The following CA10 variants were observed in gnomAD, a reference collection of about 807,000 sequenced individuals.
The protein encoded by CA10 is carbonic anhydrase 10 (inactive).
Under a neutral mutation model 44.2 loss-of-function variants are expected in CA10, and 14 were observed. The ratio of observed to expected loss-of-function variants is 0.32; its 90% CI spans 0.21 to 0.50. CA10 has a LOEUF of 0.50. CA10 is among the 20% of genes least tolerant of loss of function. The pLI is 0.99. For missense variants in CA10, 350 were observed against 409.7 expected (o/e 0.85, Z 1.26); for synonymous variants, 159 against 141.6 (o/e 1.12, Z -0.87).
rs1167558640 is a variant in CA10 at position 51,636,055 on chromosome 17, G to A, written c.635-46C>T. On this transcript the variant is annotated intron_variant, in intron 6 of 8. Coordinates refer to ENST00000451037, the MANE Select transcript of CA10 (RefSeq NM_020178.5). Reference sequence around the variant, plus strand: ...TAAAAATTAGGTTTCTTGAGAAAGGGATGGTATTGCTGACATACATACATA... The same window carrying A: ...TAAAAATTAGGTTTCTTGAGAAAGGAATGGTATTGCTGACATACATACATA... The A allele has an allele frequency of 4.5e-6, 6 of 1,336,428 alleles. No homozygotes were observed. In the East Asian group the frequency reaches 1.2e-4, roughly 26 times the overall value. The allele number at this position is 1,336,428 out of a possible 1,614,324, so 82.8% of individuals were successfully genotyped here. A position where few individuals can be genotyped will look rare whatever the true frequency, so the allele number is the denominator to read the frequency against.
chr17:52,096,203 C>T (rs1037934939), intron 1 of CA10, among the ~76,000 whole-genome samples: 1 of 152,112 alleles, frequency 6.6e-6, no homozygotes, highest in East Asian at 1.9e-4. Context: ...CCTGAGTGTC[C>T]ACTACAGCTT....
intron 3 of CA10, among the ~76,000 whole-genome samples, chr17:51,927,671 A>G (rs1462452870): frequency 6.6e-5 from 10 of 152,202 alleles, no homozygotes; most frequent in African/African-American, 2.4e-4. Flanking sequence ...GGTCTGAGCA[A>G]AAAGACATGA....
intron 2 of CA10, among the ~76,000 whole-genome samples, chr17:51,988,216 AAAG>A (rs989504481): frequency 4.6e-5 from 7 of 152,168 alleles, no homozygotes; most frequent in Admixed American, 2.0e-4. Context: ...TAAAAAAGAA[AAAG>A]AAGAAGTCTG....
rs56108471 is a variant in CA10 at position 51,978,382 on chromosome 17, ATGTGTG to A, written c.137-47256_137-47251del. Among the ~76,000 whole-genome samples, 69 of 142,094 alleles carry A rather than the reference ATGTGTG, an allele frequency of 4.9e-4. 1 individual carries two copies. Among genetic ancestry groups the A allele is most frequent in the African/African-American group, 1.4e-3 (54 of 39,236 alleles). The allele number at this position is 142,094 out of a possible 152,430, so 93.2% of individuals were successfully genotyped here. ...TACTCATATCTGTGTGTGTGTCTGT[ATGTGTG>A]TGTGTGTGTGTGTGTGTGTGTGTGT... On this transcript the variant is annotated intron_variant, in intron 2 of 8. Transcript: ENST00000451037.
chr17:51,706,922 T>C (rs1915779411), intron 4 of CA10, among the ~76,000 whole-genome samples: 1 of 152,170 alleles, frequency 6.6e-6, no homozygotes, highest in Admixed American at 6.5e-5. Context: ...ACTGCCTTAT[T>C]TAACACTGCA....
chr17:51,666,242 A>G (rs1403811429), intron 4 of CA10, among the ~76,000 whole-genome samples: 1 of 152,176 alleles, frequency 6.6e-6, no homozygotes, highest in Non-Finnish European at 1.5e-5. Context: ...AGCATCATGG[A>G]AGACCATGTG....
chr17:52,071,527 G>A (rs1352651038), intron 2 of CA10, among the ~76,000 whole-genome samples: 3 of 152,174 alleles, frequency 2.0e-5, no homozygotes, highest in East Asian at 1.9e-4. Context: ...ACCAACTACA[G>A]AGACCTCAAC....
chr17:51,888,504 A>G (rs1254853272), intron 3 of CA10, among the ~76,000 whole-genome samples: 5 of 152,234 alleles, frequency 3.3e-5, no homozygotes, highest in African/African-American at 9.6e-5. Flanking sequence ...AGCATCCTAA[A>G]TTGTCTTTTC....
chr17:52,118,251 A>G (rs1026511742), intron 1 of CA10, among the ~76,000 whole-genome samples: 2 of 152,184 alleles, frequency 1.3e-5, no homozygotes, highest in African/African-American at 4.8e-5. Context: ...CGTACTAGTA[A>G]AGGATAATGA....
chr17:51,636,523 A>G (rs931677174), intron 6 of CA10, among the ~76,000 whole-genome samples: 1 of 152,176 alleles, frequency 6.6e-6, no homozygotes, highest in South Asian at 2.1e-4. Context: ...GGCCCTGAGC[A>G]TTGGTGAGCT....
intron 2 of CA10, among the ~76,000 whole-genome samples, chr17:51,961,790 A>T (rs2144052121): frequency 6.6e-6 from 1 of 152,306 alleles, no homozygotes; most frequent in Non-Finnish European, 1.5e-5. Flanking sequence ...AGTCTGAGGC[A>T]CTCAACCCTT....
rs150218069 is a variant in CA10 at position 52,070,652 on chromosome 17, TGA to T, written c.136+1665_136+1666del. 5.0e-3 allele frequency: 766 copies of T among 152,316 alleles called. 7 individuals are homozygous for T. The highest frequency in any genetic ancestry group is 0.018 in the African/African-American group (736 of 41,566). 9.4% of individuals were successfully genotyped at this position (152,316 alleles called of 1,614,324 possible). The stretch of plus-strand genomic sequence containing the variant: ...TTACATATATTATCTCAATTAAATT[TGA>T]GAGTGAGGAAAAGTTATTTTATATC... On this transcript the variant is annotated intron_variant, in intron 2 of 8. Transcript: ENST00000451037.
chr17:52,072,539 C>CA, intron 1 of CA10, 146 bp from the exon 2 acceptor site: 1 of 380,028 alleles, frequency 2.6e-6, no homozygotes, highest in Non-Finnish European at 4.8e-6. Context: ...TCTCCCTTCC[C>CA]TTTTTTTTTT....
At chr17:51,687,939 G>A (rs1265936827) in intron 4 of CA10, among the ~76,000 whole-genome samples, 4 of 152,176 alleles carry the variant, frequency 2.6e-5, no homozygotes, top group African/African-American at 7.2e-5. Context: ...CTCTCATGTT[G>A]CGTAGAGTTG....
rs372078635 is a variant in CA10, at chr17:51,675,515, C to G, written c.466-21779G>C. Among the ~76,000 whole-genome samples the G allele has an allele frequency of 1.5e-4, 22 of 149,544 alleles. No homozygotes were observed. The East Asian group carries it at 4.0e-3, about 27-fold the overall frequency. On this transcript the variant is annotated intron_variant, in intron 4 of 8. Coordinates refer to ENST00000451037, the MANE Select transcript of CA10 (RefSeq NM_020178.5). ...AGTGAGCTGAGATTGCGCCACCGCA[C>G]TCCAGCCTGGGTGACAGAGTAAGAC...
chr17:51,690,797 A>G (rs577039576), intron 4 of CA10, among the ~76,000 whole-genome samples: 3 of 152,336 alleles, frequency 2.0e-5, no homozygotes, highest in East Asian at 3.9e-4. Flanking sequence ...TAGCAGTATG[A>G]AAATGGACTA....
intron 2 of CA10, among the ~76,000 whole-genome samples, chr17:51,990,278 A>C (rs1354635535): frequency 6.6e-6 from 1 of 152,140 alleles, no homozygotes; most frequent in African/African-American, 2.4e-5. Flanking sequence ...CCTGTTTTAT[A>C]GGTGCTAGTA....
At chr17:51,878,195 T>C (rs934561817) in intron 3 of CA10, among the ~76,000 whole-genome samples, 4 of 131,708 alleles carry the variant, frequency 3.0e-5, no homozygotes, top group African/African-American at 1.1e-4. Flanking sequence ...AAAAACACAA[T>C]GATTCACAAA....
chr17:51,708,888 T>G (rs1383646292), intron 4 of CA10, among the ~76,000 whole-genome samples: 1 of 152,256 alleles, frequency 6.6e-6, no homozygotes, highest in Non-Finnish European at 1.5e-5. Context: ...CCTTGGGCCT[T>G]CAGCCACAGA....
Sources: allele counts gnomAD v4.1 joint callset (sites outside exome capture counted in the v4.1 genomes callset), GRCh38; gene constraint gnomAD v4.1.1; transcripts MANE v1.5; gene names NCBI Gene and HGNC (gene_info 2026-07-23, HGNC 2026-07-21).